The following CRYBG1 variants were observed in gnomAD, a reference collection of about 807,000 sequenced individuals.
CRYBG1 encodes crystallin beta-gamma domain containing 1.
Under a neutral mutation model 189.2 loss-of-function variants are expected in CRYBG1, and 139 were observed. The ratio of observed to expected loss-of-function variants is 0.73; its 90% CI spans 0.64 to 0.85. The LOEUF is 0.85. CRYBG1 is among the 40% of genes least tolerant of loss of function. The pLI, the probability that CRYBG1 is intolerant of heterozygous loss-of-function variation, is 0.00. For missense variants in CRYBG1, 2,611 were observed against 2,675.8 expected (o/e 0.98, Z 0.53); for synonymous variants, 1,023 against 1,017.1 (o/e 1.01, Z -0.11).
chr6:106,558,592 C>T lies in CRYBG1; in HGVS notation c.5822C>T (p.Thr1941Ile), dbSNP rs376156011. Residue 1941 changes from threonine (T) to isoleucine (I), a missense_variant, in exon 18 of 22, where the codon ACA (threonine) becomes ATA (isoleucine). Transcript: ENST00000633556. ...TVNLRSLGFN[T>I]QIRSVQVIGG... ...AATCTCCGATCCCTGGGATTCAACA[C>T]ACAAATACGCTCTGTTCAGGTTATT... The T allele has an allele frequency of 4.6e-5, 75 of 1,613,538 alleles. No homozygotes were observed. Among genetic ancestry groups the T allele is most frequent in the East Asian group, 4.5e-4 (20 of 44,886 alleles).
intron 2 of CRYBG1, among the ~76,000 whole-genome samples, chr6:106,487,791 T>C (rs116298818): frequency 0.011 from 1,736 of 152,324 alleles, 27 homozygotes; most frequent in African/African-American, 0.04. Context: ...GAATTCTTTT[T>C]CAGGGATTTC....
At position 106,520,082 on chromosome 6, in the gene CRYBG1, G is replaced by A; in HGVS notation, c.2874G>A (p.Arg958=). The A allele has an allele frequency of 6.2e-7, 1 of 1,614,156 alleles. No homozygotes were observed. The highest frequency in any genetic ancestry group is 8.5e-7 in the Non-Finnish European group (1 of 1,180,034). ...ECPSRVLVQV[R]SFVLPVESTQ... ...CATCCAGAGTCCTCGTCCAGGTCAG[G>A]TCCTTCGTGCTCCCCGTGGAGAGCA... is the stretch of plus-strand genomic sequence containing the variant. Residue 958 remains arginine (R), a synonymous_variant, in exon 4 of 22, where the codon AGG becomes AGA. Coordinates refer to ENST00000633556, the MANE Select transcript of CRYBG1 (RefSeq NM_001371242.2).
At chr6:106,452,197 A>G (rs1582770437) in intron 2 of CRYBG1, among the ~76,000 whole-genome samples, 1 of 148,072 alleles carries the variant, frequency 6.8e-6, no homozygotes, top group African/African-American at 2.5e-5. Context: ...ACTTGAGGTC[A>G]GGAGTTTGAG....
At position 106,544,861 on chromosome 6, in the gene CRYBG1, T is replaced by A. The variant is rs755648759; in HGVS notation, c.5240T>A (p.Leu1747Ter). The A allele has an allele frequency of 1.9e-6, 3 of 1,613,892 alleles. No homozygotes were observed. The highest frequency in any genetic ancestry group is 1.7e-4 in the Middle Eastern group (1 of 6,056). The change falls in exon 13 of 22, where the codon TTG becomes TAG. Residue 1747 changes from leucine to a stop codon, truncating the protein, a stop_gained. Coordinates refer to ENST00000633556, the MANE Select transcript of CRYBG1 (RefSeq NM_001371242.2). LOFTEE classifies it high-confidence loss of function. Reference protein sequence around the residue: ...FGSKGSSIDVLGIVANLKETG... With the variant: ...FGSKGSSIDV ...TCCAAAGGTTCCAGTATTGATGTAT[T>A]GGGAATTGTTGCTAATTTAAAGGAG...
At chr6:106,415,329 A>G (rs1049507661) in intron 1 of CRYBG1, among the ~76,000 whole-genome samples, 2 of 152,234 alleles carry the variant, frequency 1.3e-5, no homozygotes, top group East Asian at 3.8e-4. Context: ...GTCTGTTTAT[A>G]TAAAAGTAAT....
In CRYBG1 at chr6:106,568,597, C is replaced by A; in HGVS notation, c.*31C>A. 6.6e-7 allele frequency: 1 copy of A among 1,504,124 alleles called. No individual in the cohort carries two copies. The highest frequency in any genetic ancestry group is 1.1e-5 in the South Asian group (1 of 88,302). The allele number at this position is 1,504,124 out of a possible 1,614,324, so 93.2% of individuals were successfully genotyped here. A position where few individuals can be genotyped will look rare whatever the true frequency, so the allele number is the denominator to read the frequency against. ...GAAGGAAGAAGAATCTTCTGGAGGT[C>A]CTTCCAGCCACCTTATTTCTTAAAA... On this transcript the variant is annotated 3_prime_UTR_variant, in exon 22 of 22. Transcript: ENST00000633556.
In CRYBG1 at chr6:106,439,134, C is replaced by T. The variant is rs9486341; in HGVS notation, c.174-12560C>T. ...GATTTTCTTCTTTTAAAGAAAAAAACGGATGACAGATTGGGAAATTAATTT... is the reference window on the plus strand; with the variant it reads ...GATTTTCTTCTTTTAAAGAAAAAAATGGATGACAGATTGGGAAATTAATTT... On this transcript the variant is annotated intron_variant, in intron 1 of 21. Transcript: ENST00000633556. 1.2e-4 allele frequency among the ~76,000 whole-genome samples: 18 copies of T among 150,008 alleles called. 1 individual carries two copies. Among genetic ancestry groups the T allele is most frequent in the African/African-American group, 3.7e-4 (15 of 40,786 alleles).
intron 1 of CRYBG1, among the ~76,000 whole-genome samples, chr6:106,386,585 G>A (rs771047150): frequency 3.3e-5 from 5 of 152,084 alleles, no homozygotes; most frequent in African/African-American, 4.8e-5. Flanking sequence ...TCCCCAGTGC[G>A]TGCATCACTG....
intron 20 of CRYBG1, among the ~76,000 whole-genome samples, chr6:106,561,751 G>A (rs1388810405): frequency 1.3e-5 from 2 of 152,116 alleles, no homozygotes; most frequent in African/African-American, 4.8e-5. Flanking sequence ...TTTTTATATA[G>A]TAGTAGAAAA....
At chr6:106,397,041 C>T (rs774243678) in intron 1 of CRYBG1, among the ~76,000 whole-genome samples, 3 of 152,220 alleles carry the variant, frequency 2.0e-5, no homozygotes, top group African/African-American at 7.2e-5. Flanking sequence ...ACTAAAGTTG[C>T]TGTGACAATT....
intron 2 of CRYBG1, among the ~76,000 whole-genome samples, chr6:106,488,801 G>A (rs543248829): frequency 6.6e-6 from 1 of 152,298 alleles, no homozygotes; most frequent in South Asian, 2.1e-4. Context: ...GGTAGCTGGG[G>A]TACTGGTATT....
intron 3 of CRYBG1, among the ~76,000 whole-genome samples, chr6:106,517,369 TACAC>T (rs1401725713): frequency 3.4e-5 from 4 of 117,608 alleles, no homozygotes; most frequent in Admixed American, 1.8e-4. Context: ...TACACATATA[TACAC>T]ACACACATAT....
At chr6:106,505,723 T>TC (rs1554187089) in intron 2 of CRYBG1, among the ~76,000 whole-genome samples, 4 of 34,318 alleles carry the variant, frequency 1.2e-4, no homozygotes, top group Non-Finnish European at 2.0e-4. Flanking sequence ...ACTCATGCTA[T>TC]TTTTTTTTTT....
rs186507243 is a variant in CRYBG1 at position 106,379,463 on chromosome 6, G to A, written c.173+18382G>A. 1.6e-4 allele frequency among the ~76,000 whole-genome samples: 24 copies of A among 151,152 alleles called. No individual in the cohort carries two copies. In the East Asian group the frequency reaches 4.0e-3, roughly 25 times the overall value. On this transcript the variant is annotated intron_variant, in intron 1 of 21. Transcript: ENST00000633556. ...TTTTTAGTAGAGACGGGGTTTCACC[G>A]GGTTAGCCAGGATGGTCTCGATCTC...
At chr6:106,415,737 A>G (rs1044446645) in intron 1 of CRYBG1, among the ~76,000 whole-genome samples, 5 of 152,034 alleles carry the variant, frequency 3.3e-5, no homozygotes, top group African/African-American at 7.3e-5. Context: ...AAAAAAAAAA[A>G]AGTTTTTCTG....
chr6:106,550,925 G>A (rs908882669), intron 13 of CRYBG1, among the ~76,000 whole-genome samples: 8 of 151,762 alleles, frequency 5.3e-5, no homozygotes, highest in East Asian at 1.9e-4. Flanking sequence ...TTTGATAAGC[G>A]AGAACGCCAA....
intron 1 of CRYBG1, among the ~76,000 whole-genome samples, chr6:106,439,944 A>G (rs1173696123): frequency 6.6e-6 from 1 of 152,226 alleles, no homozygotes; most frequent in Non-Finnish European, 1.5e-5. Context: ...CAAAAATGGT[A>G]TTTCATAATG....
At chr6:106,372,461 A>T (rs1002768704) in intron 1 of CRYBG1, among the ~76,000 whole-genome samples, 1 of 152,206 alleles carries the variant, frequency 6.6e-6, no homozygotes, top group African/African-American at 2.4e-5. Flanking sequence ...CATGTTGGCC[A>T]GGCTGCTCTC....
intron 1 of CRYBG1, among the ~76,000 whole-genome samples, chr6:106,409,569 A>G (rs1018926803): frequency 6.6e-6 from 1 of 151,856 alleles, no homozygotes; most frequent in African/African-American, 2.4e-5. Context: ...TAGCCAAGAC[A>G]ATCCTAAGCA....
Sources: gnomAD v4.1 joint callset for allele counts (sites outside exome capture counted in the v4.1 genomes callset) on GRCh38, gnomAD v4.1.1 for gene constraint, MANE v1.5 for transcripts, NCBI Gene and HGNC (gene_info 2026-07-23, HGNC 2026-07-21) for gene names.